The following WDFY3 variants were observed in gnomAD, a reference collection of about 807,000 sequenced individuals.
WDFY3 encodes the protein WD repeat and FYVE domain-containing protein 3.
WDFY3 carries 66 observed loss-of-function variants against 409.6 expected under a neutral mutation model. The observed-to-expected ratio is 0.16, with a 90% confidence interval of 0.13 to 0.20. The LOEUF (loss-of-function observed/expected upper bound fraction) is 0.20, where lower values mean the gene tolerates loss of function less well. Ranked by LOEUF, WDFY3 falls within the 10% of genes least tolerant of loss-of-function variation. The pLI is 1.00. For missense variants in WDFY3, 3,031 were observed against 4,298.1 expected (o/e 0.71, Z 8.24); for synonymous variants, 1,521 against 1,537.1 (o/e 0.99, Z 0.25).
rs557325355 is a variant in WDFY3 at position 84,671,824 on chromosome 4, C to A, written c.*1044G>T. The A allele has an allele frequency of 3.3e-5, 5 of 152,494 alleles. No individual in the cohort carries two copies. Among genetic ancestry groups the A allele is most frequent in the Admixed American group, 2.0e-4 (3 of 15,268 alleles). 9.4% of individuals were successfully genotyped at this position (152,494 alleles called of 1,614,324 possible). On this transcript the variant is annotated 3_prime_UTR_variant, in exon 68 of 68. Transcript: ENST00000295888. ...TTAATTCTGTACACTTCTTTCTTTC[C>A]TTTTTTTACCCCTTGTTTGAAAATA...
At chr4:84,774,330 C>T (rs1243011796) in intron 29 of WDFY3, among the ~76,000 whole-genome samples, 1 of 152,216 alleles carries the variant, frequency 6.6e-6, no homozygotes, top group African/African-American at 2.4e-5. Context: ...ATGCCTTAAA[C>T]CGCATTTTGC....
At chr4:84,838,946 T>G (rs1373228196) in intron 6 of WDFY3, among the ~76,000 whole-genome samples, 1 of 152,218 alleles carries the variant, frequency 6.6e-6, no homozygotes, top group Non-Finnish European at 1.5e-5. Context: ...GACCATGTTT[T>G]GGTCATCTCT....
At position 84,702,432 on chromosome 4, in the gene WDFY3, A is replaced by G. The variant is rs1731201600; in HGVS notation, c.8517T>C (p.Asn2839=). Residue 2839 remains asparagine, a synonymous_variant, in exon 56 of 68, where the codon AAT becomes AAC. Coordinates refer to ENST00000295888, the MANE Select transcript of WDFY3 (RefSeq NM_014991.6). ...GGATAAGTTCTTTTACATCTGCCATATTGTGCTTTGACGCTGAATACCAGG... is the reference window on the plus strand; with the variant it reads ...GGATAAGTTCTTTTACATCTGCCATGTTGTGCTTTGACGCTGAATACCAGG... ...REAWYSASKH[N]MADVKELIPE... 2 of 1,613,754 alleles carry G rather than the reference A, an allele frequency of 1.2e-6. No homozygotes were observed. The highest frequency in any genetic ancestry group is 1.3e-5 in the African/African-American group (1 of 74,876).
At chr4:84,854,861 A>T (rs527628698) in intron 4 of WDFY3, among the ~76,000 whole-genome samples, 1 of 152,316 alleles carries the variant, frequency 6.6e-6, no homozygotes, top group Non-Finnish European at 1.5e-5. Context: ...GTGAGCCAAG[A>T]TGGTACCATG....
chr4:84,729,829 A>G (rs1265822363), intron 44 of WDFY3, among the ~76,000 whole-genome samples: 1 of 152,214 alleles, frequency 6.6e-6, no homozygotes, highest in Non-Finnish European at 1.5e-5. Context: ...AATTATTTTA[A>G]TCAATAAGGC....
intron 1 of WDFY3, among the ~76,000 whole-genome samples, chr4:84,948,040 T>C (rs1773123082): frequency 6.6e-6 from 1 of 152,172 alleles, no homozygotes; most frequent in African/African-American, 2.4e-5. Flanking sequence ...AGCTAGTAAG[T>C]GTCAACTGAC....
intron 67 of WDFY3, 53 bp from the exon 68 acceptor site, chr4:84,673,044 G>C: frequency 6.2e-7 from 1 of 1,607,766 alleles, no homozygotes; most frequent in South Asian, 1.1e-5. Context: ...GCTTGATCAT[G>C]GGCACCGGAA....
At chr4:84,806,443 T>C (rs1751519290) in intron 15 of WDFY3, among the ~76,000 whole-genome samples, 1 of 152,156 alleles carries the variant, frequency 6.6e-6, no homozygotes, top group Non-Finnish European at 1.5e-5. Flanking sequence ...GCTATACTGA[T>C]TTAGTGACAG....
At position 84,691,621 on chromosome 4, in the gene WDFY3, T is replaced by C; in HGVS notation, c.9204+10A>G. Reference sequence around the variant, plus strand: ...CAATATTAAATGAGTAGGCAGGAAATAATGCAAACCTTGTCTGACTCATAG... The same window carrying C: ...CAATATTAAATGAGTAGGCAGGAAACAATGCAAACCTTGTCTGACTCATAG... On this transcript the variant is annotated intron_variant, in intron 60 of 67. Transcript: ENST00000295888. The C allele has an allele frequency of 3.1e-6, 5 of 1,612,346 alleles. No homozygotes were observed. Among genetic ancestry groups the C allele is most frequent in the Non-Finnish European group, 4.2e-6 (5 of 1,178,914 alleles).
At chr4:84,803,797 C>G (rs921324597) in intron 15 of WDFY3, 1 of 176,616 alleles carries the variant, frequency 5.7e-6, no homozygotes, top group Non-Finnish European at 1.2e-5. Context: ...TGATTCAAAG[C>G]TCTAGAAGAT....
At chr4:84,735,771 T>C (rs1009866709) in intron 42 of WDFY3, among the ~76,000 whole-genome samples, 1 of 152,202 alleles carries the variant, frequency 6.6e-6, no homozygotes, top group Non-Finnish European at 1.5e-5. Context: ...AAGAAGTTAA[T>C]GCTGGAGGCA....
At chr4:84,764,358 C>T (rs1743239163) in intron 32 of WDFY3, among the ~76,000 whole-genome samples, 1 of 152,124 alleles carries the variant, frequency 6.6e-6, no homozygotes. Flanking sequence ...AAATCCTTCC[C>T]CAGAGTTCAT....
intron 51 of WDFY3, among the ~76,000 whole-genome samples, chr4:84,712,826 T>C (rs2149016537): frequency 6.6e-6 from 1 of 152,306 alleles, no homozygotes; most frequent in African/African-American, 2.4e-5. Flanking sequence ...TGTTTCTGAA[T>C]AGTTTTTTAA....
At chr4:84,925,113 T>C (rs1769799177) in intron 2 of WDFY3, among the ~76,000 whole-genome samples, 1 of 152,204 alleles carries the variant, frequency 6.6e-6, no homozygotes, top group Non-Finnish European at 1.5e-5. Context: ...TGCTGAGGAC[T>C]GTGATTTCCA....
intron 4 of WDFY3, among the ~76,000 whole-genome samples, chr4:84,855,596 G>A (rs1378292284): frequency 6.6e-6 from 1 of 152,068 alleles, no homozygotes; most frequent in Admixed American, 6.5e-5. Context: ...TAAAAGAGAG[G>A]TTGGAATGTT....
At chr4:84,847,024 T>G (rs1489427694) in intron 5 of WDFY3, among the ~76,000 whole-genome samples, 3 of 152,092 alleles carry the variant, frequency 2.0e-5, no homozygotes, top group South Asian at 2.1e-4. Context: ...ACCAGAGGTT[T>G]GTTTGTTCAC....
At chr4:84,859,984 T>TTA (rs1345922427) in intron 4 of WDFY3, among the ~76,000 whole-genome samples, 1 of 152,242 alleles carries the variant, frequency 6.6e-6, no homozygotes. Context: ...AACTATCCTC[T>TTA]TACAGCATCT....
At chr4:84,753,539 C>T (rs911905842) in intron 35 of WDFY3, among the ~76,000 whole-genome samples, 158 bp downstream of exon 35, 4 of 152,002 alleles carry the variant, frequency 2.6e-5, no homozygotes, top group Non-Finnish European at 4.4e-5. Context: ...CTGGGGACAC[C>T]GGACAATAAT....
At chr4:84,896,268 A>C (rs1765625830) in intron 3 of WDFY3, among the ~76,000 whole-genome samples, 1 of 152,028 alleles carries the variant, frequency 6.6e-6, no homozygotes, top group African/African-American at 2.4e-5. Flanking sequence ...AAATAAAGTA[A>C]AATAAAAAAT....
Sources: allele counts gnomAD v4.1 joint callset (sites outside exome capture counted in the v4.1 genomes callset), GRCh38; gene constraint gnomAD v4.1.1; transcripts MANE v1.5; gene names NCBI Gene and HGNC (gene_info 2026-07-23, HGNC 2026-07-21).